The following PHACTR1 variants were observed in gnomAD, a reference collection of about 807,000 sequenced individuals.
The protein encoded by PHACTR1 is RPEL repeat containing 1.
PHACTR1 carries 16 observed loss-of-function variants against 69.2 expected under a neutral mutation model. The observed-to-expected ratio is 0.23, with a 90% confidence interval of 0.16 to 0.35. The LOEUF (loss-of-function observed/expected upper bound fraction) is 0.35. Among genes scored for constraint, PHACTR1 ranks in the 10% least tolerant of loss-of-function variants. The pLI is 1.00. For synonymous variants in PHACTR1, 312 were observed against 284.5 expected (o/e 1.10, Z -0.97); for missense variants, 510 against 734.7 (o/e 0.69, Z 3.54).
At chr6:12,914,150 C>A (rs1786712238) in intron 4 of PHACTR1, among the ~76,000 whole-genome samples, 1 of 152,024 alleles carries the variant, frequency 6.6e-6, no homozygotes, top group African/African-American at 2.4e-5. Flanking sequence ...CAAGCACATG[C>A]CACCATGCCC....
chr6:13,254,493 T>C (rs936679763), intron 10 of PHACTR1, among the ~76,000 whole-genome samples: 1 of 152,192 alleles, frequency 6.6e-6, no homozygotes, highest in Non-Finnish European at 1.5e-5. Flanking sequence ...AGGATTGATG[T>C]GGTTATATGA....
chr6:13,178,376 T>C (rs1227741587), intron 6 of PHACTR1, among the ~76,000 whole-genome samples: 2 of 152,188 alleles, frequency 1.3e-5, no homozygotes, highest in Non-Finnish European at 1.5e-5. Flanking sequence ...CGAGGCACAA[T>C]TACACTGCAG....
At chr6:13,240,458 G>GTTTT (rs1562052667) in intron 10 of PHACTR1, among the ~76,000 whole-genome samples, 1 of 151,632 alleles carries the variant, frequency 6.6e-6, no homozygotes, top group Non-Finnish European at 1.5e-5. Context: ...GTTTTGTTTT[G>GTTTT]TTTTGAGATG....
intron 4 of PHACTR1, among the ~76,000 whole-genome samples, chr6:12,979,398 C>T (rs1795245427): frequency 1.3e-5 from 2 of 152,158 alleles, no homozygotes; most frequent in African/African-American, 4.8e-5. Flanking sequence ...CAGATCCTAC[C>T]TTCAGGAGTT....
chr6:12,966,550 GTTTTTA>G (rs989477062), intron 4 of PHACTR1, among the ~76,000 whole-genome samples: 12 of 152,072 alleles, frequency 7.9e-5, no homozygotes, highest in African/African-American at 2.9e-4. Context: ...CTAGTTTCTT[GTTTTTA>G]TTTTTACTTT....
intron 5 of PHACTR1, among the ~76,000 whole-genome samples, chr6:13,136,062 T>C (rs1391434604): frequency 6.6e-6 from 1 of 152,226 alleles, no homozygotes; most frequent in East Asian, 1.9e-4. Flanking sequence ...GCTGCCACTT[T>C]TAACCTGCAT....
At chr6:12,803,830 A>G (rs1773982847) in intron 4 of PHACTR1, among the ~76,000 whole-genome samples, 1 of 152,194 alleles carries the variant, frequency 6.6e-6, no homozygotes, top group Admixed American at 6.5e-5. Flanking sequence ...TGACAAACAA[A>G]AAAATTTCTT....
intron 4 of PHACTR1, among the ~76,000 whole-genome samples, chr6:12,839,888 G>A (rs1457993306): frequency 6.6e-6 from 1 of 151,716 alleles, no homozygotes; most frequent in Non-Finnish European, 1.5e-5. Flanking sequence ...AGCGAACACG[G>A]CCATAAAGCA....
rs546741139 is a variant in PHACTR1 at position 13,107,218 on chromosome 6, A to G, written c.416-52986A>G. On this transcript the variant is annotated intron_variant, in intron 5 of 14. Coordinates refer to ENST00000332995, the MANE Select transcript of PHACTR1 (RefSeq NM_030948.6). Reference sequence around the variant, plus strand: ...CTGCAGCCCTGACCTCCGAGGTTCAAGCAATCCTCAGTCTCCTGAGTAGCT... The same window carrying G: ...CTGCAGCCCTGACCTCCGAGGTTCAGGCAATCCTCAGTCTCCTGAGTAGCT... Among the ~76,000 whole-genome samples the G allele has an allele frequency of 2.6e-5, 4 of 152,208 alleles. No homozygotes were observed. The South Asian group carries it at 6.2e-4, about 24-fold the overall frequency.
At chr6:13,017,729 T>C (rs1366903945) in intron 4 of PHACTR1, among the ~76,000 whole-genome samples, 1 of 151,972 alleles carries the variant, frequency 6.6e-6, no homozygotes, top group Non-Finnish European at 1.5e-5. Context: ...TGAAGAATAA[T>C]TTTAGGAATT....
At chr6:13,257,895 ACT>A (rs1448473707) in intron 10 of PHACTR1, among the ~76,000 whole-genome samples, 1 of 151,850 alleles carries the variant, frequency 6.6e-6, no homozygotes, top group Non-Finnish European at 1.5e-5. Context: ...GCTGTGCCCC[ACT>A]CTCAGACCTT....
intron 8 of PHACTR1, among the ~76,000 whole-genome samples, chr6:13,213,157 C>T (rs1767140294): frequency 2.0e-5 from 3 of 152,172 alleles, no homozygotes; most frequent in Admixed American, 6.5e-5. Flanking sequence ...CTCATAGCTG[C>T]AGTGATATTC....
intron 5 of PHACTR1, among the ~76,000 whole-genome samples, chr6:13,081,646 A>AC (rs113794447): frequency 0.012 from 1,846 of 151,782 alleles, 35 homozygotes; most frequent in African/African-American, 0.041. Context: ...ACATAGTAAG[A>AC]CCCCCATCTC....
intron 4 of PHACTR1, among the ~76,000 whole-genome samples, chr6:12,796,023 A>G (rs1196596708): frequency 1.3e-5 from 2 of 152,198 alleles, no homozygotes; most frequent in Admixed American, 6.5e-5. Flanking sequence ...CAAAGATTTT[A>G]ACTCTGTAGC....
At chr6:12,899,762 T>G (rs1466099201) in intron 4 of PHACTR1, among the ~76,000 whole-genome samples, 1 of 152,238 alleles carries the variant, frequency 6.6e-6, no homozygotes, top group Non-Finnish European at 1.5e-5. Context: ...AAGGAATTGT[T>G]GAGGAAAGTG....
At chr6:13,015,955 A>T (rs770836372) in intron 4 of PHACTR1, among the ~76,000 whole-genome samples, 19 of 152,268 alleles carry the variant, frequency 1.2e-4, no homozygotes, top group Admixed American at 1.0e-3. Context: ...AATCCTGCCA[A>T]TCTATTGTGT....
intron 4 of PHACTR1, among the ~76,000 whole-genome samples, chr6:12,923,535 C>T (rs62386818): frequency 1.3e-5 from 2 of 151,974 alleles, no homozygotes; most frequent in African/African-American, 4.8e-5. Context: ...TTTTGAGAAC[C>T]CCCTCCATTT....
intron 5 of PHACTR1, among the ~76,000 whole-genome samples, chr6:13,055,852 A>G (rs1330318187): frequency 1.3e-5 from 2 of 152,258 alleles, no homozygotes; most frequent in African/African-American, 4.8e-5. Context: ...TTAAGCTCAT[A>G]TGGGAGAAAG....
chr6:12,811,802 A>G (rs1215583383), intron 4 of PHACTR1, among the ~76,000 whole-genome samples: 2 of 151,982 alleles, frequency 1.3e-5, no homozygotes, highest in South Asian at 2.1e-4. Flanking sequence ...CCTACTTAGT[A>G]GTAGACTTTC....
Sources: gnomAD v4.1 joint callset for allele counts (sites outside exome capture counted in the v4.1 genomes callset) on GRCh38, gnomAD v4.1.1 for gene constraint, MANE v1.5 for transcripts, NCBI Gene and HGNC (gene_info 2026-07-23, HGNC 2026-07-21) for gene names.